MACROD2: variants seen among roughly 807,000 people sequenced by gnomAD.
MACROD2 encodes ADP-ribose glycohydrolase MACROD2.
Under a neutral mutation model 70.4 loss-of-function variants are expected in MACROD2, and 36 were observed. The ratio of observed to expected loss-of-function variants is 0.51; its 90% CI spans 0.39 to 0.68. The LOEUF (loss-of-function observed/expected upper bound fraction) is 0.68, where lower values mean the gene tolerates loss of function less well. Among genes scored for constraint, MACROD2 ranks in the 30% least tolerant of loss-of-function variants. The probability of loss-of-function intolerance (pLI) is 0.00; values close to 1 mark genes in which losing one functional copy is unlikely to be tolerated. For missense variants in MACROD2, 496 were observed against 538.4 expected, an observed-to-expected ratio of 0.92 and a Z score of 0.78; for synonymous variants, 172 against 178.8, an observed-to-expected ratio of 0.96 and a Z score of 0.30.
At chr20:15,182,513 A>G (rs2076507553) in intron 5 of MACROD2, among the ~76,000 whole-genome samples, 1 of 152,154 alleles carries the variant, frequency 6.6e-6, no homozygotes. Flanking sequence ...GGATATTCTA[A>G]TCTTGGCTCA....
intron 3 of MACROD2, among the ~76,000 whole-genome samples, chr20:14,107,770 G>T (rs1206935445): frequency 6.6e-6 from 1 of 152,078 alleles, no homozygotes; most frequent in East Asian, 1.9e-4. Context: ...CTTTGCCCTA[G>T]AATATTATGT....
chr20:14,333,341 A>G (rs563356460), intron 3 of MACROD2, among the ~76,000 whole-genome samples: 4 of 152,206 alleles, frequency 2.6e-5, no homozygotes, highest in Admixed American at 2.0e-4. Flanking sequence ...ATTTATTTTG[A>G]CTTGTAAAGT....
At chr20:15,813,334 C>T (rs1256799681) in intron 8 of MACROD2, among the ~76,000 whole-genome samples, 3 of 152,184 alleles carry the variant, frequency 2.0e-5, no homozygotes, top group Admixed American at 2.0e-4. Context: ...AAAGGCAAAA[C>T]AAGGCAGCCC....
intron 4 of MACROD2, among the ~76,000 whole-genome samples, chr20:14,578,808 T>C (rs1980789642): frequency 6.6e-6 from 1 of 152,204 alleles, no homozygotes; most frequent in South Asian, 2.1e-4. Flanking sequence ...TAATTCACTG[T>C]AGATGGATAA....
chr20:14,751,924 A>G (rs1302090271), intron 5 of MACROD2, among the ~76,000 whole-genome samples: 1 of 152,010 alleles, frequency 6.6e-6, no homozygotes, highest in Admixed American at 6.6e-5. Flanking sequence ...TGGAGTAGCA[A>G]TGAGTACTAT....
chr20:14,529,358 C>A (rs575569539), intron 4 of MACROD2, among the ~76,000 whole-genome samples: 2 of 152,190 alleles, frequency 1.3e-5, no homozygotes, highest in African/African-American at 4.8e-5. Flanking sequence ...TCTGCCCTGC[C>A]ACACTTAGTG....
At chr20:15,112,786 C>T (rs1401890223) in intron 5 of MACROD2, among the ~76,000 whole-genome samples, 3 of 152,188 alleles carry the variant, frequency 2.0e-5, no homozygotes, top group Non-Finnish European at 4.4e-5. Flanking sequence ...TAAGCAGTAA[C>T]TCTTCCTTAA....
chr20:15,433,889 C>T (rs987402069), intron 7 of MACROD2, among the ~76,000 whole-genome samples: 4 of 151,910 alleles, frequency 2.6e-5, no homozygotes, highest in Admixed American at 2.6e-4. Flanking sequence ...AGATATAAAG[C>T]CAAATACTTA....
At chr20:14,127,466 C>G in intron 3 of MACROD2, 1 of 493,444 alleles carries the variant, frequency 2.0e-6, no homozygotes, top group Non-Finnish European at 3.7e-6. Context: ...GAGGCTGGAG[C>G]AGAAGGAGGC....
At chr20:14,868,222 T>A (rs2073449224) in intron 5 of MACROD2, among the ~76,000 whole-genome samples, 1 of 151,620 alleles carries the variant, frequency 6.6e-6, no homozygotes, top group Admixed American at 6.6e-5. Context: ...AGTTCTCTCT[T>A]TATTGCCCAG....
At chr20:15,011,641 C>G (rs911864810) in intron 5 of MACROD2, among the ~76,000 whole-genome samples, 1 of 152,084 alleles carries the variant, frequency 6.6e-6, no homozygotes, top group Admixed American at 6.5e-5. Context: ...CGAGTCGGTA[C>G]CTGGTGTCTC....
At chr20:15,626,857 AC>A (rs940778686) in intron 8 of MACROD2, among the ~76,000 whole-genome samples, 3 of 149,602 alleles carry the variant, frequency 2.0e-5, no homozygotes, top group Admixed American at 6.7e-5. Context: ...TCCATACCCC[AC>A]CCCCCCAAAA....
At chr20:14,862,452 AATATATATAAAT>A (rs1568840499) in intron 5 of MACROD2, among the ~76,000 whole-genome samples, 1 of 8,548 alleles carries the variant, frequency 1.2e-4, no homozygotes, top group Non-Finnish European at 2.4e-4. Context: ...TATATATATA[AATATATATAAAT>A]ATATATATAT....
intron 8 of MACROD2, among the ~76,000 whole-genome samples, chr20:15,523,615 G>A (rs1023942177): frequency 5.3e-5 from 8 of 152,120 alleles, no homozygotes; most frequent in South Asian, 4.1e-4. Context: ...TTAGTGAAAC[G>A]GAGAGATTTT....
chr20:15,024,089 G>A (rs769276734), intron 5 of MACROD2, among the ~76,000 whole-genome samples: 1 of 152,046 alleles, frequency 6.6e-6, no homozygotes, highest in Non-Finnish European at 1.5e-5. Flanking sequence ...CCTCAATAGT[G>A]GATACCTTTA....
chr20:15,628,044 G>A (rs933816251), intron 8 of MACROD2, among the ~76,000 whole-genome samples: 1 of 152,182 alleles, frequency 6.6e-6, no homozygotes, highest in African/African-American at 2.4e-5. Flanking sequence ...GAAGGTCATT[G>A]CAGAAACTTA....
chr20:15,899,236 A>G (rs1415957591), intron 10 of MACROD2, among the ~76,000 whole-genome samples: 1 of 152,070 alleles, frequency 6.6e-6, no homozygotes, highest in East Asian at 1.9e-4. Context: ...ATATATGTAT[A>G]TGTGTGTATA....
At chr20:15,895,143 AG>A (rs1172927730) in intron 10 of MACROD2, among the ~76,000 whole-genome samples, 5 of 152,250 alleles carry the variant, frequency 3.3e-5, no homozygotes, top group African/African-American at 1.2e-4. Flanking sequence ...CTTTAATTAA[AG>A]AAGGGAATTC....
At chr20:14,051,460 T>A (rs567844491) in intron 2 of MACROD2, among the ~76,000 whole-genome samples, 1 of 152,318 alleles carries the variant, frequency 6.6e-6, no homozygotes, top group South Asian at 2.1e-4. Flanking sequence ...AAGTATATTT[T>A]CACACACTTC....
Sources: allele counts gnomAD v4.1 joint callset (sites outside exome capture counted in the v4.1 genomes callset), GRCh38; gene constraint gnomAD v4.1.1; transcripts MANE v1.5; gene names NCBI Gene and HGNC (gene_info 2026-07-23, HGNC 2026-07-21).